ANKRD11: variants seen among roughly 807,000 people sequenced by gnomAD.
ANKRD11 encodes the protein ankyrin repeat domain 11, also known as ankyrin repeat domain-containing protein 11.
In ANKRD11, 17 loss-of-function variants were observed where a neutral mutation model predicts 195.7. The ratio of observed to expected loss-of-function variants is 0.09; its 90% confidence interval spans 0.06 to 0.13. The LOEUF (loss-of-function observed/expected upper bound fraction) is 0.13. Among genes scored for constraint, ANKRD11 ranks in the 10% least tolerant of loss-of-function variants. The pLI is 1.00. For synonymous variants in ANKRD11, 1,953 were observed against 1,528.1 expected (o/e 1.28, Z -6.49); for missense variants, 3,735 against 3,566.1 (o/e 1.05, Z -1.21).
intron 2 of ANKRD11, among the ~76,000 whole-genome samples, chr16:89,353,772 G>A (rs543318575): frequency 1.6e-3 from 242 of 152,284 alleles, no homozygotes; most frequent in South Asian, 8.9e-3. Flanking sequence ...GAGCCACTAC[G>A]CCCGAACTGG....
chr16:89,355,070 A>G (rs3096327), intron 2 of ANKRD11, among the ~76,000 whole-genome samples: 25 of 152,194 alleles, frequency 1.6e-4, no homozygotes, highest in African/African-American at 5.8e-4. Flanking sequence ...TCATCTAAAA[A>G]CATCAGAAAA....
intron 2 of ANKRD11, among the ~76,000 whole-genome samples, chr16:89,345,337 G>A (rs1040382612): frequency 2.9e-5 from 4 of 139,650 alleles, no homozygotes; most frequent in African/African-American, 8.0e-5. Flanking sequence ...GCTCAGTGCC[G>A]ACACCCCCCG....
At chr16:89,329,995 AAAAAT>A (rs71134203) in intron 2 of ANKRD11, among the ~76,000 whole-genome samples, 75 of 146,322 alleles carry the variant, frequency 5.1e-4, no homozygotes, top group East Asian at 2.6e-3. Context: ...ACCTTGTCTC[AAAAAT>A]AAAATAAAAT....
At chr16:89,328,493 A>T (rs1388194087) in intron 2 of ANKRD11, among the ~76,000 whole-genome samples, 1 of 152,266 alleles carries the variant, frequency 6.6e-6, no homozygotes, top group Non-Finnish European at 1.5e-5. Flanking sequence ...ACATCACGGC[A>T]TCCCCTCAGC....
intron 1 of ANKRD11, among the ~76,000 whole-genome samples, chr16:89,449,090 C>T (rs955585137): frequency 6.6e-6 from 1 of 151,966 alleles, no homozygotes; most frequent in Non-Finnish European, 1.5e-5. Context: ...GTGGCTCACA[C>T]CTGTAATCCC....
chr16:89,413,209 A>G (rs1341018025), intron 2 of ANKRD11, among the ~76,000 whole-genome samples: 2 of 152,238 alleles, frequency 1.3e-5, no homozygotes, highest in Non-Finnish European at 2.9e-5. Context: ...GAACTCTAAA[A>G]TAAAAACTGA....
At position 89,487,949 on chromosome 16, in the gene ANKRD11, G is replaced by A. The variant is rs892962490; in HGVS notation, c.-145+2296C>T. On this transcript the variant is annotated intron_variant, in intron 1 of 12. Coordinates refer to ENST00000301030, the MANE Select transcript of ANKRD11 (RefSeq NM_013275.6). ...CGTCATCAACAGCCCATCTGGGAGG[G>A]TGTGATGGCACTGCTGGTATGGGGT... Among the ~76,000 whole-genome samples the A allele has an allele frequency of 8.3e-4, 90 of 108,874 alleles. 1 individual carries two copies. The highest frequency in any genetic ancestry group is 2.7e-3 in the African/African-American group (85 of 31,036). The allele number at this position is 108,874 out of a possible 152,430, so 71.4% of individuals were successfully genotyped here. A position where few individuals can be genotyped will look rare whatever the true frequency, so the allele number is the denominator to read the frequency against.
At chr16:89,371,482 G>C (rs2152080836) in intron 2 of ANKRD11, among the ~76,000 whole-genome samples, 1 of 152,256 alleles carries the variant, frequency 6.6e-6, no homozygotes, top group African/African-American at 2.4e-5. Context: ...GCTTCTCTCT[G>C]GTGCCCAGGC....
intron 1 of ANKRD11, among the ~76,000 whole-genome samples, chr16:89,456,392 T>C (rs992637233): frequency 3.4e-5 from 5 of 147,920 alleles, no homozygotes; most frequent in Admixed American, 6.8e-5. Flanking sequence ...CTACTAAAAA[T>C]AGAAAATTAG....
At chr16:89,400,941 G>C (rs1372699501) in intron 2 of ANKRD11, among the ~76,000 whole-genome samples, 1 of 152,148 alleles carries the variant, frequency 6.6e-6, no homozygotes, top group African/African-American at 2.4e-5. Context: ...CCCTGCTCGG[G>C]TTCACAGACA....
intron 2 of ANKRD11, among the ~76,000 whole-genome samples, chr16:89,334,184 GAGAA>G (rs1262887218): frequency 1.4e-4 from 19 of 139,568 alleles, no homozygotes; most frequent in African/African-American, 3.5e-4. Context: ...CAGAGAGAGA[GAGAA>G]AGAAAGAAAA....
chr16:89,375,502 C>T (rs182676166), intron 2 of ANKRD11, among the ~76,000 whole-genome samples: 142 of 152,078 alleles, frequency 9.3e-4, no homozygotes, highest in Non-Finnish European at 1.7e-3. Context: ...TCTTGTCGCC[C>T]GGGCTGGAGT....
intron 7 of ANKRD11, chr16:89,286,997 G>A (rs1450878748): frequency 7.8e-7 from 1 of 1,289,600 alleles, no homozygotes; most frequent in Non-Finnish European, 1.0e-6. Context: ...TCAGTACAGA[G>A]TTCTTATGTG....
At chr16:89,372,423 G>C (rs2040234684) in intron 2 of ANKRD11, among the ~76,000 whole-genome samples, 1 of 152,194 alleles carries the variant, frequency 6.6e-6, no homozygotes, top group Non-Finnish European at 1.5e-5. Flanking sequence ...ACAAGGCAGT[G>C]GCAGGCGGAG....
At chr16:89,390,942 C>G (rs2965827) in intron 2 of ANKRD11, among the ~76,000 whole-genome samples, 1 of 151,946 alleles carries the variant, frequency 6.6e-6, no homozygotes, top group African/African-American at 2.4e-5. Context: ...AAAATTATTG[C>G]ACCAGGCTGG....
chr16:89,280,132 G>C lies in ANKRD11; in HGVS notation c.6410C>G (p.Ser2137Cys), dbSNP rs745392884. ...PEDDLDLGPF[S>C]LPELPLQTKD... is the part of the protein sequence containing the mutation. ...AGTCTGCAGGGGAAGCTCCGGCAGG[G>C]AGAAGGGCCCCAGGTCCAGGTCGTC... The change falls in exon 9 of 13, where the codon TCC becomes TGC. Residue 2137 changes from serine (S) to cysteine (C), a missense_variant. Physicochemically the swap from Ser to Cys is moderately radical, Grantham distance 112. Coordinates refer to ENST00000301030, the MANE Select transcript of ANKRD11 (RefSeq NM_013275.6). 4.3e-6 allele frequency: 7 copies of C among 1,612,246 alleles called. No individual in the cohort carries two copies. Among genetic ancestry groups the C allele is most frequent in the Non-Finnish European group, 4.2e-6 (5 of 1,179,572 alleles).
chr16:89,462,721 G>A (rs1293088880), intron 1 of ANKRD11, among the ~76,000 whole-genome samples: 2 of 145,524 alleles, frequency 1.4e-5, no homozygotes, highest in Non-Finnish European at 3.0e-5. Flanking sequence ...CTGCCCCGCC[G>A]CCCCGTCTGG....
intron 6 of ANKRD11, among the ~76,000 whole-genome samples, chr16:89,289,693 GC>G (rs1379161823): frequency 6.6e-6 from 1 of 152,200 alleles, no homozygotes; most frequent in Admixed American, 6.5e-5. Context: ...CCCTCCAGGG[GC>G]CTGGAGTGAG....
intron 9 of ANKRD11, chr16:89,278,620 G>A (rs1434332845): frequency 4.4e-6 from 2 of 459,714 alleles, no homozygotes; most frequent in Non-Finnish European, 4.4e-6. Context: ...CAAGGGAGGA[G>A]GTGGGGGAAG....
Sources: gnomAD v4.1 joint callset for allele counts (sites outside exome capture counted in the v4.1 genomes callset) on GRCh38, gnomAD v4.1.1 for gene constraint, MANE v1.5 for transcripts, NCBI Gene and HGNC (gene_info 2026-07-23, HGNC 2026-07-21) for gene names.